TULP4: variants seen among roughly 807,000 people sequenced by gnomAD.
TULP4 encodes the protein TUB like protein 4, also known as tubby-related protein 4.
A neutral mutation model predicts 129.0 loss-of-function variants in TULP4; 16 were observed. The ratio of observed to expected loss-of-function variants is 0.12; its 90% CI spans 0.08 to 0.19. The LOEUF is 0.19. TULP4 is among the 10% of genes least tolerant of loss of function. TULP4 has a pLI of 1.00. For synonymous variants in TULP4, 998 were observed against 854.0 expected, an observed-to-expected ratio of 1.17 and a Z score of -2.94; for missense variants, 1,842 against 2,059.1, an observed-to-expected ratio of 0.89 and a Z score of 2.04.
chr6:158,502,857 A>G lies in TULP4; in HGVS notation c.3194A>G (p.Gln1065Arg), dbSNP rs903176695. The change falls in exon 13 of 14, where the codon CAG (glutamine) becomes CGG (arginine). Residue 1065 changes from glutamine (Q) to arginine (R), a missense_variant. Gln to Arg is a conservative substitution (Grantham distance 43). Transcript: ENST00000367097. Reference sequence around the variant, plus strand: ...GCCAGCGCCTCCCCGTTGGCCTCCCAGTCCTCCTACAGCCTCCTGAGCCCA... The same window carrying G: ...GCCAGCGCCTCCCCGTTGGCCTCCCGGTCCTCCTACAGCCTCCTGAGCCCA... ...HTASASPLAS[Q>R]SSYSLLSPPD... The G allele has an allele frequency of 1.2e-6, 2 of 1,613,562 alleles. No individual in the cohort carries two copies. Among genetic ancestry groups the G allele is most frequent in the African/African-American group, 2.7e-5 (2 of 74,898 alleles).
intron 1 of TULP4, chr6:158,282,933 G>C (rs1451410256): frequency 6.6e-6 from 1 of 152,118 alleles, no homozygotes. Flanking sequence ...CTTGAGGTCA[G>C]TTCGAGACCA....
intron 1 of TULP4, among the ~76,000 whole-genome samples, chr6:158,306,424 G>A (rs1168577820): frequency 1.3e-5 from 2 of 152,174 alleles, no homozygotes; most frequent in African/African-American, 4.8e-5. Flanking sequence ...CGGGCATGGC[G>A]GCATGCGCCT....
In TULP4 at chr6:158,502,576, G is replaced by A. The variant is rs1286648995; in HGVS notation, c.2913G>A (p.Gly971=). The A allele has an allele frequency of 1.9e-6, 3 of 1,604,002 alleles. No individual in the cohort carries two copies. The highest frequency in any genetic ancestry group is 2.5e-6 in the Non-Finnish European group (3 of 1,179,882). The change falls in exon 13 of 14, where the codon GGG becomes GGA. Residue 971 remains glycine, a synonymous_variant. Transcript: ENST00000367097. ...AAATTGCCAGCCAGCTGGCCCAGGG[G>A]CGGGGGGCTGCCCAGAGGTCCGACA... ...YPEIASQLAQ[G]RGAAQRSDNS...
chr6:158,419,853 T>C (rs1365220940), intron 2 of TULP4, among the ~76,000 whole-genome samples: 1 of 152,294 alleles, frequency 6.6e-6, no homozygotes, highest in South Asian at 2.1e-4. Flanking sequence ...AAAGGAAAAA[T>C]TGATAAATCC....
chr6:158,340,917 A>G (rs1425606280), intron 1 of TULP4, among the ~76,000 whole-genome samples: 1 of 152,182 alleles, frequency 6.6e-6, no homozygotes, highest in African/African-American at 2.4e-5. Context: ...CTGAGGAGTT[A>G]AAGAATTTTA....
chr6:158,299,193 C>T (rs1380996284), intron 1 of TULP4, among the ~76,000 whole-genome samples: 2 of 152,064 alleles, frequency 1.3e-5, no homozygotes, highest in Non-Finnish European at 2.9e-5. Context: ...ACGAGCTGAA[C>T]CTCCTATGCC....
chr6:158,388,322 CTTTTTTTT>C (rs10650311), intron 1 of TULP4, among the ~76,000 whole-genome samples: 3 of 86,262 alleles, frequency 3.5e-5, no homozygotes, highest in Admixed American at 1.6e-4. Flanking sequence ...GCTCGTTTTT[CTTTTTTTT>C]TTTTTTTTTT....
In TULP4 at chr6:158,313,482, A is replaced by G. The variant is rs913463769; in HGVS notation, c.-535A>G. On this transcript the variant is annotated 5_prime_UTR_variant, in exon 1 of 14. Transcript: ENST00000367097. The stretch of plus-strand genomic sequence containing the variant: ...AGGAAACATGCTAGAGGGTGGCTTC[A>G]GAAGGAAGATGATCCTGTGTATTCT... The G allele has an allele frequency of 3.0e-5, 12 of 400,168 alleles. No homozygotes were observed. The highest frequency in any genetic ancestry group is 2.2e-5 in the Non-Finnish European group (5 of 227,262). The allele number at this position is 400,168 out of a possible 1,614,324, so 24.8% of individuals were successfully genotyped here.
intron 1 of TULP4, among the ~76,000 whole-genome samples, chr6:158,342,421 A>T (rs1780203444): frequency 6.6e-6 from 1 of 152,210 alleles, no homozygotes; most frequent in Non-Finnish European, 1.5e-5. Flanking sequence ...CACACTTTAG[A>T]TCTAAATGCC....
intron 6 of TULP4, among the ~76,000 whole-genome samples, chr6:158,475,910 G>A (rs1779806482): frequency 6.6e-6 from 1 of 152,210 alleles, no homozygotes; most frequent in Non-Finnish European, 1.5e-5. Flanking sequence ...CAGCAGAAAT[G>A]TGACTTTTAA....
At chr6:158,376,062 A>G (rs1777180081) in intron 1 of TULP4, among the ~76,000 whole-genome samples, 1 of 152,194 alleles carries the variant, frequency 6.6e-6, no homozygotes, top group South Asian at 2.1e-4. Context: ...TGAGGACAGC[A>G]GCTGGAGGAG....
Position 158,413,202 on chromosome 6 carries a change from CA to C in TULP4, c.381+10del. The C allele has an allele frequency of 6.2e-7, 1 of 1,608,116 alleles. No individual in the cohort carries two copies. The highest frequency in any genetic ancestry group is 1.3e-5 in the African/African-American group (1 of 74,932). ...ACGACCGCGGGGCGCAGGTGAGTGG[CA>C]GGCGCAGCTCTGCCAGTGAAGGGCT... On this transcript the variant is annotated intron_variant, in intron 2 of 13. Transcript: ENST00000367097. The surrounding 1 kb of genome is among the most constrained non-coding windows in gnomAD (Gnocchi z 4.9).
chr6:158,408,555 G>C (rs886343935), intron 1 of TULP4, among the ~76,000 whole-genome samples: 9 of 152,114 alleles, frequency 5.9e-5, no homozygotes, highest in Admixed American at 5.9e-4. Context: ...TCACAACTCC[G>C]TGAGGGGTGT....
chr6:158,486,080 T>C (rs1780057720), intron 8 of TULP4, among the ~76,000 whole-genome samples: 1 of 152,190 alleles, frequency 6.6e-6, no homozygotes, highest in Non-Finnish European at 1.5e-5. Context: ...GAATATATTT[T>C]GCATGGGAGA....
intron 1 of TULP4, among the ~76,000 whole-genome samples, chr6:158,285,682 A>C (rs913129953): frequency 1.3e-5 from 2 of 152,194 alleles, no homozygotes; most frequent in African/African-American, 4.8e-5. Context: ...ATCCATTTGT[A>C]TGGGCACGGG....
chr6:158,407,380 G>A (rs1245303991), intron 1 of TULP4, among the ~76,000 whole-genome samples: 1 of 152,212 alleles, frequency 6.6e-6, no homozygotes, highest in Non-Finnish European at 1.5e-5. Flanking sequence ...ATTAGAATTT[G>A]GAGAAACTGG....
At chr6:158,389,781 C>G (rs1041278641) in intron 1 of TULP4, among the ~76,000 whole-genome samples, 2 of 152,072 alleles carry the variant, frequency 1.3e-5, no homozygotes, top group African/African-American at 4.8e-5. Context: ...CAGAGAGACC[C>G]TTTGGTTTGA....
intron 1 of TULP4, among the ~76,000 whole-genome samples, chr6:158,405,391 T>G (rs1583841806): frequency 6.6e-6 from 1 of 152,122 alleles, no homozygotes; most frequent in East Asian, 1.9e-4. Flanking sequence ...CCATCGCTAG[T>G]GTGTAGAGGC....
intron 1 of TULP4, among the ~76,000 whole-genome samples, chr6:158,239,731 C>T (rs1296065026): frequency 7.7e-4 from 55 of 71,434 alleles, no homozygotes; most frequent in Non-Finnish European, 9.2e-4. Flanking sequence ...AGGCGCCCCT[C>T]ACCTCCCAGA....
Sources: allele counts gnomAD v4.1 joint callset (sites outside exome capture counted in the v4.1 genomes callset), GRCh38; gene constraint gnomAD v4.1.1; non-coding constraint Gnocchi (gnomAD v3.1); transcripts MANE v1.5; gene names NCBI Gene and HGNC (gene_info 2026-07-23, HGNC 2026-07-21).